The following DPYSL2 variants were observed in gnomAD, a reference collection of about 807,000 sequenced individuals.
DPYSL2 encodes dihydropyrimidinase-related protein 2.
A neutral mutation model predicts 69.9 loss-of-function variants in DPYSL2; 13 were observed. The ratio of observed to expected loss-of-function variants is 0.19; its 90% CI spans 0.12 to 0.30. DPYSL2 has a LOEUF of 0.30. Among genes scored for constraint, DPYSL2 ranks in the 10% least tolerant of loss-of-function variants. The pLI is 1.00. For synonymous variants in DPYSL2, 326 were observed against 359.1 expected, an observed-to-expected ratio of 0.91 and a Z score of 1.04; for missense variants, 587 against 918.9, an observed-to-expected ratio of 0.64 and a Z score of 4.67.
At chr8:26,524,572 C>A (rs6986966) in intron 1 of DPYSL2, among the ~76,000 whole-genome samples, 2,930 of 151,876 alleles carry the variant, frequency 0.019, 70 homozygotes, top group African/African-American at 0.057. Context: ...TCAAGGTGGG[C>A]GGATCACCTG....
intron 1 of DPYSL2, among the ~76,000 whole-genome samples, chr8:26,549,200 T>TTAATAATAA (rs57336957): frequency 0.033 from 4,787 of 146,376 alleles, 114 homozygotes; most frequent in Non-Finnish European, 0.046. Flanking sequence ...AAAAATTAAG[T>TTAATAATAA]TAATAATAAT....
intron 1 of DPYSL2, among the ~76,000 whole-genome samples, chr8:26,529,301 A>T (rs1800455348): frequency 7.1e-6 from 1 of 140,942 alleles, no homozygotes; most frequent in African/African-American, 3.1e-5. Flanking sequence ...CTATCTATCT[A>T]TCATCTATCT....
At chr8:26,567,355 CCCAT>C (rs369652545) in intron 1 of DPYSL2, among the ~76,000 whole-genome samples, 2 of 149,836 alleles carry the variant, frequency 1.3e-5, no homozygotes, top group Admixed American at 6.6e-5. Flanking sequence ...CATACATCTG[CCCAT>C]CCATCCATCC....
Position 26,653,443 on chromosome 8 carries a change from G to C in DPYSL2, c.1942+46G>C. The C allele has an allele frequency of 5.1e-6, 8 of 1,561,256 alleles. No homozygotes were observed. Among genetic ancestry groups the C allele is most frequent in the Non-Finnish European group, 7.0e-6 (8 of 1,150,220 alleles). The stretch of plus-strand genomic sequence containing the variant: ...GGGCACAGTTCTGCAGGGCCAGCTC[G>C]CTGGTGCTGGCGAGGCTACAGTTGC... On this transcript the variant is annotated intron_variant, in intron 13 of 13. Coordinates refer to ENST00000521913, the MANE Select transcript of DPYSL2 (RefSeq NM_001197293.3). The surrounding 1 kb of genome is among the most constrained non-coding windows in gnomAD (Gnocchi z 5.7).
Position 26,626,507 on chromosome 8 carries a change from A to T in DPYSL2, c.794-110A>T. 1.2e-6 allele frequency: 1 copy of T among 843,132 alleles called. No individual in the cohort carries two copies. Among genetic ancestry groups the T allele is most frequent in the Non-Finnish European group, 1.9e-6 (1 of 518,546 alleles). 52.2% of individuals were successfully genotyped at this position (843,132 alleles called of 1,614,324 possible). A position where few individuals can be genotyped will look rare whatever the true frequency, so the allele number is the denominator to read the frequency against. On this transcript the variant is annotated intron_variant, in intron 4 of 13. Coordinates refer to ENST00000521913, the MANE Select transcript of DPYSL2 (RefSeq NM_001197293.3). The surrounding 1 kb of genome is among the most constrained non-coding windows in gnomAD (Gnocchi z 4.3). ...AACACACACACACACACACACACAC[A>T]CACACACACACACACGTACACACAC...
chr8:26,553,482 G>T (rs1800900135), intron 1 of DPYSL2, among the ~76,000 whole-genome samples: 1 of 152,202 alleles, frequency 6.6e-6, no homozygotes, highest in East Asian at 1.9e-4. Flanking sequence ...TGCAATATTT[G>T]GTTTTCTGTT....
chr8:26,514,706 C>G lies in DPYSL2; in HGVS notation c.354+27C>G. 22 of 796,792 alleles carry G rather than the reference C, an allele frequency of 2.8e-5. No homozygotes were observed. Among genetic ancestry groups the G allele is most frequent in the East Asian group, 4.7e-5 (1 of 21,190 alleles). The allele number at this position is 796,792 out of a possible 1,614,324, so 49.4% of individuals were successfully genotyped here. ...TCGGTGTGGGGGTTGGGGGTGGAGA[C>G]GGAGGACGGGGCGCGGGGATCGCCC... On this transcript the variant is annotated intron_variant, in intron 1 of 13. Coordinates refer to ENST00000521913, the MANE Select transcript of DPYSL2 (RefSeq NM_001197293.3). This position sits in a 1 kb window ranked among gnomAD's most constrained non-coding sequence, Gnocchi z 8.4.
chr8:26,544,125 C>T (rs1037574735), intron 1 of DPYSL2, among the ~76,000 whole-genome samples: 1 of 152,162 alleles, frequency 6.6e-6, no homozygotes, highest in African/African-American at 2.4e-5. Context: ...ACTAACCCTA[C>T]TTTTGTCATA....
At chr8:26,537,346 G>T (rs55756904) in intron 1 of DPYSL2, among the ~76,000 whole-genome samples, 4,272 of 152,158 alleles carry the variant, frequency 0.028, 209 homozygotes, top group African/African-American at 0.096. Flanking sequence ...AAGTTCAGGA[G>T]CTGCAGGATG....
At chr8:26,579,957 C>G (rs1801451256) in intron 1 of DPYSL2, among the ~76,000 whole-genome samples, 1 of 38,688 alleles carries the variant, frequency 2.6e-5, no homozygotes, top group Non-Finnish European at 7.3e-5. Flanking sequence ...AAAGAGCGCC[C>G]CCCCCCCCAC....
Position 26,565,099 on chromosome 8 carries a change from T to C in DPYSL2, c.355-16870T>C, listed in dbSNP as rs1801128809. ...CCACCCGAATTACTGCAAAAGATAT[T>C]ATATCATTCTTTATCATTCTGTTTT... On this transcript the variant is annotated intron_variant, in intron 1 of 13. Transcript: ENST00000521913. The surrounding 1 kb of genome is among the most constrained non-coding windows in gnomAD (Gnocchi z 4.1). 6.6e-6 allele frequency among the ~76,000 whole-genome samples: 1 copy of C among 152,212 alleles called. No homozygotes were observed. The highest frequency in any genetic ancestry group is 2.4e-5 in the African/African-American group (1 of 41,454).
intron 1 of DPYSL2, among the ~76,000 whole-genome samples, chr8:26,544,793 T>C (rs1333934569): frequency 2.0e-5 from 3 of 152,200 alleles, no homozygotes; most frequent in Non-Finnish European, 4.4e-5. Context: ...ACATGTAGGT[T>C]GACAGTAAAG....
intron 1 of DPYSL2, among the ~76,000 whole-genome samples, chr8:26,552,392 G>C (rs1474050424): frequency 6.6e-6 from 1 of 152,114 alleles, no homozygotes; most frequent in East Asian, 1.9e-4. Flanking sequence ...ATAATAATTA[G>C]AGCAGAAATC....
At chr8:26,575,817 ATTAAT>A (rs1324468379) in intron 1 of DPYSL2, among the ~76,000 whole-genome samples, 5 of 152,202 alleles carry the variant, frequency 3.3e-5, no homozygotes, top group Non-Finnish European at 7.3e-5. Context: ...TTTGTTTTAA[ATTAAT>A]TTGAGTCTCT....
intron 1 of DPYSL2, among the ~76,000 whole-genome samples, chr8:26,558,465 G>C (rs1332447713): frequency 6.6e-6 from 1 of 152,162 alleles, no homozygotes; most frequent in African/African-American, 2.4e-5. Flanking sequence ...GTAGAGCACA[G>C]GGGATTTTTA....
intron 1 of DPYSL2, among the ~76,000 whole-genome samples, chr8:26,574,221 G>A (rs890580739): frequency 3.3e-5 from 5 of 152,140 alleles, no homozygotes; most frequent in Admixed American, 6.5e-5. Context: ...GGAAAAGAAC[G>A]GCTTAGGGCA....
At chr8:26,541,705 TG>T (rs555678547) in intron 1 of DPYSL2, among the ~76,000 whole-genome samples, 69 of 152,338 alleles carry the variant, frequency 4.5e-4, no homozygotes, top group African/African-American at 1.5e-3. Context: ...AAAATGGTAG[TG>T]TTTTTTTATA....
At position 26,514,599 on chromosome 8, in the gene DPYSL2, G is replaced by A. The variant is rs965012539; in HGVS notation, c.274G>A (p.Glu92Lys). 31 of 1,508,920 alleles carry A rather than the reference G, an allele frequency of 2.1e-5. No homozygotes were observed. Among genetic ancestry groups the A allele is most frequent in the Non-Finnish European group, 2.6e-5 (29 of 1,135,524 alleles). 93.5% of individuals were successfully genotyped at this position (1,508,920 alleles called of 1,614,324 possible). ...YSRQGRRAGG[E>K]PSVESGRKVE... The stretch of plus-strand genomic sequence containing the variant: ...GCGGCAGGGCCGGCGCGCCGGCGGA[G>A]AGCCATCTGTTGAATCGGGCCGGAA... The change falls in exon 1 of 14, where the codon GAG becomes AAG. Residue 92 changes from glutamate to lysine, a missense_variant. This residue lies in a region of DPYSL2 where 85 missense variants were observed against 77.7 expected (regional missense o/e 1.09). Coordinates refer to ENST00000521913, the MANE Select transcript of DPYSL2 (RefSeq NM_001197293.3). This position sits in a 1 kb window ranked among gnomAD's most constrained non-coding sequence, Gnocchi z 8.4.
Position 26,585,582 on chromosome 8 carries a change from A to G in DPYSL2, c.628+1599A>G, listed in dbSNP as rs1323593628. On this transcript the variant is annotated intron_variant, in intron 3 of 13. Coordinates refer to ENST00000521913, the MANE Select transcript of DPYSL2 (RefSeq NM_001197293.3). This position sits in a 1 kb window ranked among gnomAD's most constrained non-coding sequence, Gnocchi z 4.0. ...TCGGGGGGAGATTTCATGCACACCT[A>G]GGGAGAGCAGAGCCTGCACCTTGTC... Among the ~76,000 whole-genome samples, 2 of 152,070 alleles carry G rather than the reference A, an allele frequency of 1.3e-5. No individual in the cohort carries two copies. Among genetic ancestry groups the G allele is most frequent in the African/African-American group, 4.8e-5 (2 of 41,382 alleles).
Sources: gnomAD v4.1 joint callset for allele counts (sites outside exome capture counted in the v4.1 genomes callset) on GRCh38, gnomAD v4.1.1 for gene constraint, gnomAD v4.1.1 regional missense constraint, Gnocchi (gnomAD v3.1) non-coding constraint, MANE v1.5 for transcripts, NCBI Gene and HGNC (gene_info 2026-07-23, HGNC 2026-07-21) for gene names.